The following MDGA2 variants were observed in gnomAD, a reference collection of about 807,000 sequenced individuals.
MDGA2 encodes the protein MAM domain-containing glycosylphosphatidylinositol anchor protein 2.
In MDGA2, 40 loss-of-function variants were observed where a neutral mutation model predicts 117.8. The observed-to-expected ratio is 0.34, with a 90% CI of 0.26 to 0.44. The LOEUF (loss-of-function observed/expected upper bound fraction) is 0.44. Ranked by LOEUF, MDGA2 falls within the 20% of genes least tolerant of loss-of-function variation. MDGA2 has a pLI of 1.00. For synonymous variants in MDGA2, 452 were observed against 439.0 expected (o/e 1.03, Z -0.37); for missense variants, 1,123 against 1,250.6 (o/e 0.90, Z 1.54).
chr14:47,384,021 T>C (rs1891700512), intron 1 of MDGA2, among the ~76,000 whole-genome samples: 1 of 142,946 alleles, frequency 7.0e-6, no homozygotes, highest in Non-Finnish European at 1.6e-5. Flanking sequence ...AGATAATAGA[T>C]AGATTAGATA....
chr14:47,281,824 A>G (rs1460283327), intron 2 of MDGA2, among the ~76,000 whole-genome samples: 1 of 152,124 alleles, frequency 6.6e-6, no homozygotes, highest in African/African-American at 2.4e-5. Flanking sequence ...TGGGAGACCG[A>G]GGTGAGCCGA....
At chr14:47,155,911 TTTTTTTTTTTTTTTTTTTTTG>T (rs1883363895) in intron 3 of MDGA2, among the ~76,000 whole-genome samples, 2 of 66,466 alleles carry the variant, frequency 3.0e-5, no homozygotes, top group South Asian at 4.9e-4. Flanking sequence ...TTTTTTTTTT[TTTTTTTTTTTTTTTTTTTTTG>T]AGACAGAGTC....
chr14:46,844,581 C>CA (rs547541073), intron 16 of MDGA2, among the ~76,000 whole-genome samples: 3,721 of 144,752 alleles, frequency 0.026, 129 homozygotes, highest in African/African-American at 0.079. Flanking sequence ...AACTCCGTCT[C>CA]AAAAAAAAAA....
chr14:47,516,522 G>A (rs963074504), intron 1 of MDGA2, among the ~76,000 whole-genome samples: 3 of 152,148 alleles, frequency 2.0e-5, no homozygotes, highest in African/African-American at 7.2e-5. Flanking sequence ...TTGATTCAGG[G>A]ATGAGTATCT....
chr14:47,451,746 T>C (rs78458161), intron 1 of MDGA2, among the ~76,000 whole-genome samples: 1 of 152,094 alleles, frequency 6.6e-6, no homozygotes, highest in African/African-American at 2.4e-5. Flanking sequence ...GCCCAGTGGA[T>C]TTTTTTATCC....
intron 2 of MDGA2, among the ~76,000 whole-genome samples, chr14:47,244,476 C>T (rs1484055968): frequency 1.3e-5 from 2 of 151,540 alleles, no homozygotes; most frequent in Admixed American, 1.3e-4. Context: ...ATTTTTTTGG[C>T]CACGTATACT....
At chr14:47,251,526 A>C (rs1887446532) in intron 2 of MDGA2, among the ~76,000 whole-genome samples, 1 of 152,232 alleles carries the variant, frequency 6.6e-6, no homozygotes, top group Admixed American at 6.5e-5. Context: ...TTACCCCCGA[A>C]GTATACGTAC....
intron 4 of MDGA2, 40 bp from the exon 5 acceptor site, chr14:47,131,886 CCAACA>C: frequency 6.8e-7 from 1 of 1,461,196 alleles, no homozygotes; most frequent in Non-Finnish European, 9.3e-7. Context: ...TTAGAAAAAG[CCAACA>C]CAACCAGAAT....
At chr14:46,911,532 T>C (rs955555165) in intron 10 of MDGA2, among the ~76,000 whole-genome samples, 2 of 152,202 alleles carry the variant, frequency 1.3e-5, no homozygotes, top group African/African-American at 4.8e-5. Flanking sequence ...CATTTCAAGA[T>C]AATTTAAGAA....
chr14:47,560,741 T>C (rs1373197289), intron 1 of MDGA2, among the ~76,000 whole-genome samples: 1 of 152,236 alleles, frequency 6.6e-6, no homozygotes, highest in African/African-American at 2.4e-5. Flanking sequence ...TTTGTTTTTG[T>C]TGAAATTGCT....
chr14:47,097,428 C>T (rs80284793), intron 5 of MDGA2, among the ~76,000 whole-genome samples: 4 of 151,938 alleles, frequency 2.6e-5, no homozygotes, highest in African/African-American at 7.2e-5. Context: ...AACAAAATAT[C>T]CCTTTCTTTT....
At chr14:47,561,171 G>GTTTTGTTTTTT in intron 1 of MDGA2, among the ~76,000 whole-genome samples, 1 of 68,476 alleles carries the variant, frequency 1.5e-5, no homozygotes, top group East Asian at 9.9e-4. Context: ...TTGTTTTTTT[G>GTTTTGTTTTTT]TTTGTTTGTT....
chr14:46,941,508 A>T lies in MDGA2; in HGVS notation c.2089+15866T>A, dbSNP rs181368821. On this transcript the variant is annotated intron_variant, in intron 9 of 16. Coordinates refer to ENST00000399232, the MANE Select transcript of MDGA2 (RefSeq NM_001113498.3). Reference sequence around the variant, plus strand: ...ACACTCTGCACTGTTCTCATCCATTAATCATTCCTTCAGGGTGAAGGACAG... The same window carrying T: ...ACACTCTGCACTGTTCTCATCCATTTATCATTCCTTCAGGGTGAAGGACAG... Among the ~76,000 whole-genome samples, 239 of 152,202 alleles carry T rather than the reference A, an allele frequency of 1.6e-3. 1 individual carries two copies. Among genetic ancestry groups the T allele is most frequent in the African/African-American group, 5.5e-3 (227 of 41,546 alleles).
intron 1 of MDGA2, among the ~76,000 whole-genome samples, chr14:47,623,258 A>T (rs1897082369): frequency 6.6e-6 from 1 of 152,154 alleles, no homozygotes; most frequent in Non-Finnish European, 1.5e-5. Context: ...CAGCACCTTG[A>T]TATTGGACTT....
intron 3 of MDGA2, among the ~76,000 whole-genome samples, chr14:47,209,644 G>A (rs1162117584): frequency 6.6e-6 from 1 of 152,108 alleles, no homozygotes. Context: ...TAGGATTTTT[G>A]ACAAAGCTCT....
chr14:47,264,749 C>A (rs1887909715), intron 2 of MDGA2, among the ~76,000 whole-genome samples: 1 of 151,664 alleles, frequency 6.6e-6, no homozygotes, highest in Non-Finnish European at 1.5e-5. Flanking sequence ...TATACACGTG[C>A]CATGGTAGTA....
chr14:47,211,383 A>C (rs74575496), intron 3 of MDGA2, among the ~76,000 whole-genome samples: 2,910 of 152,232 alleles, frequency 0.019, 49 homozygotes, highest in Non-Finnish European at 0.031. Flanking sequence ...AGACCTCATT[A>C]CTGAAGCCTC....
At chr14:47,605,103 T>C (rs1896718815) in intron 1 of MDGA2, among the ~76,000 whole-genome samples, 1 of 152,136 alleles carries the variant, frequency 6.6e-6, no homozygotes, top group Non-Finnish European at 1.5e-5. Flanking sequence ...CCCCCATAGT[T>C]TAAAATGCCC....
At chr14:47,638,512 C>T (rs914256043) in intron 1 of MDGA2, among the ~76,000 whole-genome samples, 1 of 152,268 alleles carries the variant, frequency 6.6e-6, no homozygotes, top group African/African-American at 2.4e-5. Flanking sequence ...ATCTCCCAAA[C>T]AATTTCACCT....
Sources: allele counts gnomAD v4.1 joint callset (sites outside exome capture counted in the v4.1 genomes callset), GRCh38; gene constraint gnomAD v4.1.1; transcripts MANE v1.5; gene names NCBI Gene and HGNC (gene_info 2026-07-23, HGNC 2026-07-21).